MYT1L: variants seen among roughly 807,000 people sequenced by gnomAD.
MYT1L encodes the protein myelin transcription factor 1-like protein.
Under a neutral mutation model 126.7 loss-of-function variants are expected in MYT1L, and 12 were observed. That is an observed-to-expected ratio of 0.09 (90% CI 0.06 to 0.15). The LOEUF is 0.15. Ranked by LOEUF, MYT1L falls within the 10% of genes least tolerant of loss-of-function variation. The pLI is 1.00. For missense variants in MYT1L, 979 were observed against 1,585.2 expected, an observed-to-expected ratio of 0.62 and a Z score of 6.49; for synonymous variants, 541 against 604.2, an observed-to-expected ratio of 0.90 and a Z score of 1.53.
chr2:1,807,595 G>A (rs1213909787), intron 22 of MYT1L, among the ~76,000 whole-genome samples: 1 of 152,118 alleles, frequency 6.6e-6, no homozygotes, highest in African/African-American at 2.4e-5. Context: ...ACAAAATTAG[G>A]GGTGCATCTT....
At position 1,810,881 on chromosome 2, in the gene MYT1L, C is replaced by T. The variant is rs964378923; in HGVS notation, c.3081-1714G>A. 2.0e-5 allele frequency among the ~76,000 whole-genome samples: 3 copies of T among 152,190 alleles called. No homozygotes were observed. The South Asian group carries it at 6.2e-4, about 32-fold the overall frequency. The stretch of plus-strand genomic sequence containing the variant: ...CATCTCATAATTATAATAGAATATT[C>T]ATAAAATTCTAAATAATCATTGCTG... On this transcript the variant is annotated intron_variant, in intron 21 of 24. Coordinates refer to ENST00000647738, the MANE Select transcript of MYT1L (RefSeq NM_001303052.2).
chr2:1,902,689 C>A (rs1421127228), intron 14 of MYT1L: 1 of 203,534 alleles, frequency 4.9e-6, no homozygotes, highest in East Asian at 1.3e-4. Flanking sequence ...TCCCGGGAGC[C>A]CAGGGCTGCC....
At chr2:2,063,675 C>T (rs919122506) in intron 3 of MYT1L, among the ~76,000 whole-genome samples, 3 of 152,158 alleles carry the variant, frequency 2.0e-5, no homozygotes, top group African/African-American at 7.2e-5. Context: ...GAAACCCTGT[C>T]TCTACTAAAA....
At position 1,801,876 on chromosome 2, in the gene MYT1L, G is replaced by T; in HGVS notation, c.3173-77C>A. ...AGTTAGAATTTTGGGAGCTTTCTTT[G>T]TTCCTTTTATATTCGTAATTGAATT... On this transcript the variant is annotated intron_variant, in intron 22 of 24. Transcript: ENST00000647738. The surrounding 1 kb of genome is among the most constrained non-coding windows in gnomAD (Gnocchi z 4.2). 4 of 865,136 alleles carry T rather than the reference G, an allele frequency of 4.6e-6. No individual in the cohort carries two copies. The highest frequency in any genetic ancestry group is 5.3e-6 in the Non-Finnish European group (3 of 568,794). 53.6% of individuals were successfully genotyped at this position (865,136 alleles called of 1,614,324 possible).
At chr2:1,851,897 G>A (rs999732943) in intron 18 of MYT1L, among the ~76,000 whole-genome samples, 194 bp from the exon 19 acceptor site, 1 of 152,220 alleles carries the variant, frequency 6.6e-6, no homozygotes, top group Middle Eastern at 3.4e-3. Context: ...AGAGCACCGG[G>A]AGCTTCGTGG....
intron 1 of MYT1L, among the ~76,000 whole-genome samples, chr2:2,320,881 T>G (rs7579854): frequency 0.036 from 5,478 of 152,214 alleles, 151 homozygotes; most frequent in African/African-American, 0.073. Context: ...TTATAATCAT[T>G]TCCCCCTCGC....
At chr2:2,153,782 A>G (rs940670325) in intron 3 of MYT1L, among the ~76,000 whole-genome samples, 1 of 152,108 alleles carries the variant, frequency 6.6e-6, no homozygotes, top group Non-Finnish European at 1.5e-5. Context: ...GTGGGTTTCC[A>G]TGAGAGAGGA....
Position 2,027,439 on chromosome 2 carries a change from G to A in MYT1L, c.-158+26539C>T, listed in dbSNP as rs141536775. 6.8e-3 allele frequency among the ~76,000 whole-genome samples: 1,043 copies of A among 152,292 alleles called. 8 individuals carry two copies. Among genetic ancestry groups the A allele is most frequent in the Non-Finnish European group, 9.2e-3 (624 of 68,026 alleles). On this transcript the variant is annotated intron_variant, in intron 4 of 24. Transcript: ENST00000647738. ...GATTCGGTTGGCGAAAGGCACAGAC[G>A]CTGCCGGATGACCCCCGGCCATTCT... is the stretch of plus-strand genomic sequence containing the variant.
intron 2 of MYT1L, among the ~76,000 whole-genome samples, chr2:2,186,383 T>A (rs2092199371): frequency 6.6e-6 from 1 of 152,238 alleles, no homozygotes; most frequent in Non-Finnish European, 1.5e-5. Flanking sequence ...ACTGGTTAAC[T>A]GTAGTCCCGC....
chr2:2,301,805 C>T (rs1389522355), intron 1 of MYT1L, among the ~76,000 whole-genome samples: 2 of 128,476 alleles, frequency 1.6e-5, no homozygotes, highest in African/African-American at 6.0e-5. Context: ...CCAGCCTGAG[C>T]AACAGAGACC....
intron 3 of MYT1L, among the ~76,000 whole-genome samples, chr2:2,112,311 T>C (rs2079562884): frequency 6.6e-6 from 1 of 152,176 alleles, no homozygotes; most frequent in Non-Finnish European, 1.5e-5. Flanking sequence ...AACCAAGAAA[T>C]AGTTTTAAAA....
chr2:1,883,696 G>A (rs1261827398), intron 18 of MYT1L, among the ~76,000 whole-genome samples: 3 of 152,226 alleles, frequency 2.0e-5, no homozygotes, highest in East Asian at 3.9e-4. Flanking sequence ...TCAAAGCATC[G>A]ACGCGCAAAA....
At position 1,943,035 on chromosome 2, in the gene MYT1L, T is replaced by C. The variant is rs2056826558; in HGVS notation, c.452A>G (p.Asp151Gly). 3 of 1,502,792 alleles carry C rather than the reference T, an allele frequency of 2.0e-6. No homozygotes were observed. Among genetic ancestry groups the C allele is most frequent in the Non-Finnish European group, 2.7e-6 (3 of 1,102,774 alleles). 93.1% of individuals were successfully genotyped at this position (1,502,792 alleles called of 1,614,324 possible). ...CTCCTCCTCCTCTTCCTCTTCTTCATCCTCCACATCTTCTCCATCCTCGTC... is the reference window on the plus strand; with the variant it reads ...CTCCTCCTCCTCTTCCTCTTCTTCACCCTCCACATCTTCTCCATCCTCGTC... ...DDDEDGEDVEDEEEEEEEEEE... is the reference protein window; with the variant it reads ...DDDEDGEDVEGEEEEEEEEEE... Residue 151 changes from aspartate (D) to glycine (G), a missense_variant, in exon 9 of 25, where the codon GAT becomes GGT. Asp to Gly is a moderately conservative substitution (Grantham distance 94). Around this residue, in one of 12 missense-constraint regions of MYT1L, gnomAD observed 243 missense variants for 363.9 expected, o/e 0.67. Transcript: ENST00000647738. This position sits in a 1 kb window ranked among gnomAD's most constrained non-coding sequence, Gnocchi z 4.4.
Position 2,217,710 on chromosome 2 carries a change from A to C in MYT1L, c.-420-44722T>G, listed in dbSNP as rs1172413822. ...CAACAACAACAACAACAACAACAAAAAAAAAAAAAGAAAGAAGGAAAAAGA... is the reference window on the plus strand; with the variant it reads ...CAACAACAACAACAACAACAACAAACAAAAAAAAAGAAAGAAGGAAAAAGA... On this transcript the variant is annotated intron_variant, in intron 2 of 24. Transcript: ENST00000647738. Among the ~76,000 whole-genome samples, 66 of 141,014 alleles carry C rather than the reference A, an allele frequency of 4.7e-4. 1 individual carries two copies. Among genetic ancestry groups the C allele is most frequent in the African/African-American group, 1.3e-3 (50 of 37,986 alleles). 92.5% of individuals were successfully genotyped at this position (141,014 alleles called of 152,430 possible).
At chr2:1,892,880 C>T (rs2049095975) in intron 14 of MYT1L, among the ~76,000 whole-genome samples, 1 of 152,210 alleles carries the variant, frequency 6.6e-6, no homozygotes, top group Non-Finnish European at 1.5e-5. Flanking sequence ...GCTGGGCATG[C>T]AGACCAGATA....
At chr2:1,909,778 G>C (rs1352276071) in intron 13 of MYT1L, among the ~76,000 whole-genome samples, 1 of 152,152 alleles carries the variant, frequency 6.6e-6, no homozygotes, top group Non-Finnish European at 1.5e-5. Flanking sequence ...AGGGAGCTCT[G>C]CCGGTTTTGC....
intron 18 of MYT1L, among the ~76,000 whole-genome samples, chr2:1,883,415 G>A (rs1362935903): frequency 1.3e-5 from 2 of 152,154 alleles, no homozygotes; most frequent in Non-Finnish European, 2.9e-5. Context: ...AAAAGAAAAG[G>A]CTGACCAGCT....
At position 1,807,433 on chromosome 2, in the gene MYT1L, G is replaced by A. The variant is rs143001554; in HGVS notation, c.3172+1643C>T. On this transcript the variant is annotated intron_variant, in intron 22 of 24. Transcript: ENST00000647738. ...CTCTTGGTGGATTTGGGGAGGAGGTGCCCTTTGGTAAAGGTACAGCAGGAG... is the reference window on the plus strand; with the variant it reads ...CTCTTGGTGGATTTGGGGAGGAGGTACCCTTTGGTAAAGGTACAGCAGGAG... 9.0e-4 allele frequency among the ~76,000 whole-genome samples: 137 copies of A among 152,272 alleles called. 1 individual carries two copies. The highest frequency in any genetic ancestry group is 3.1e-3 in the African/African-American group (128 of 41,564).
intron 4 of MYT1L, among the ~76,000 whole-genome samples, chr2:2,016,759 T>A (rs1052700126): frequency 6.6e-6 from 1 of 152,260 alleles, no homozygotes; most frequent in Admixed American, 6.5e-5. Flanking sequence ...CACATGCATC[T>A]GTAATCATCT....
Sources: allele counts gnomAD v4.1 joint callset (sites outside exome capture counted in the v4.1 genomes callset), GRCh38; gene constraint gnomAD v4.1.1; regional missense constraint gnomAD v4.1.1; non-coding constraint Gnocchi (gnomAD v3.1); transcripts MANE v1.5; gene names NCBI Gene and HGNC (gene_info 2026-07-23, HGNC 2026-07-21).